The following CCNY variants were observed in gnomAD, a reference collection of about 807,000 sequenced individuals.
CCNY encodes the protein cyclin-Y.
A neutral mutation model predicts 42.8 loss-of-function variants in CCNY; 19 were observed. The observed-to-expected ratio is 0.44, with a 90% CI of 0.31 to 0.65. The LOEUF (loss-of-function observed/expected upper bound fraction) is 0.65, where lower values mean the gene tolerates loss of function less well. Ranked by LOEUF, CCNY falls within the 30% of genes least tolerant of loss-of-function variation. The pLI is 0.07. For synonymous variants in CCNY, 165 were observed against 162.7 expected (o/e 1.01, Z -0.11); for missense variants, 370 against 437.3 (o/e 0.85, Z 1.37).
At chr10:35,357,162 C>T (rs950464258) in intron 1 of CCNY, among the ~76,000 whole-genome samples, 4 of 152,050 alleles carry the variant, frequency 2.6e-5, no homozygotes, top group Non-Finnish European at 5.9e-5. Flanking sequence ...CCAGAGAGAG[C>T]AGCCCCTGCT....
chr10:35,421,679 A>G (rs940200583), intron 1 of CCNY, among the ~76,000 whole-genome samples: 3 of 151,932 alleles, frequency 2.0e-5, no homozygotes, highest in African/African-American at 7.3e-5. Context: ...ATGGACTCCC[A>G]TTTTCTTGAG....
rs550592918 is a variant in CCNY, at chr10:35,348,143, T to C, written c.154+10936T>C. On this transcript the variant is annotated intron_variant, in intron 1 of 9. Coordinates refer to ENST00000374704, the MANE Select transcript of CCNY (RefSeq NM_145012.6). ...TTGCTTGCAAAGTGATGATAAGCAG[T>C]TTATATAGCATTAGAGATTGTGTTC... Among the ~76,000 whole-genome samples the C allele has an allele frequency of 5.0e-4, 76 of 152,336 alleles. 1 individual carries two copies. In the South Asian group the frequency reaches 0.015, roughly 29 times the overall value.
intron 1 of CCNY, among the ~76,000 whole-genome samples, chr10:35,423,169 T>G (rs1236372355): frequency 1.3e-5 from 2 of 152,176 alleles, no homozygotes; most frequent in African/African-American, 4.8e-5. Context: ...TATAGAGTCT[T>G]TTTTCATTTA....
At chr10:35,553,234 A>G in intron 8 of CCNY, 49 bp downstream of exon 8, 3 of 1,586,778 alleles carry the variant, frequency 1.9e-6, no homozygotes, top group Non-Finnish European at 2.6e-6. Context: ...TGGCCAGACC[A>G]TTTGGAAAGA....
At position 35,525,914 on chromosome 10, in the gene CCNY, G is replaced by A. The variant is rs1403851025; in HGVS notation, c.366-50G>A. ...CAGACTGTGGCCAGGTAATGTGTAAGGTCTTGAATATGCTCATGGACACTG... is the reference window on the plus strand; with the variant it reads ...CAGACTGTGGCCAGGTAATGTGTAAAGTCTTGAATATGCTCATGGACACTG... On this transcript the variant is annotated intron_variant, in intron 4 of 9. Coordinates refer to ENST00000374704, the MANE Select transcript of CCNY (RefSeq NM_145012.6). 1.2e-5 allele frequency: 18 copies of A among 1,539,250 alleles called. No individual in the cohort carries two copies. In the East Asian group the frequency reaches 3.6e-4, roughly 31 times the overall value.
At chr10:35,490,213 A>T (rs1839869212) in intron 2 of CCNY, among the ~76,000 whole-genome samples, 1 of 152,194 alleles carries the variant, frequency 6.6e-6, no homozygotes, top group South Asian at 2.1e-4. Context: ...TTTTCCTCAG[A>T]ATGCTACAGG....
intron 1 of CCNY, chr10:35,347,280 A>G (rs1436862602): frequency 5.5e-6 from 1 of 180,342 alleles, no homozygotes; most frequent in East Asian, 1.9e-4. Context: ...TACTGAGAGA[A>G]ATACAGCTGG....
chr10:35,566,577 A>G (rs930026011), intron 9 of CCNY, among the ~76,000 whole-genome samples: 3 of 151,770 alleles, frequency 2.0e-5, no homozygotes, highest in Non-Finnish European at 4.4e-5. Flanking sequence ...TCCTGACCTC[A>G]GGTGATCTGC....
At chr10:35,395,663 A>G (rs1391752991) in intron 1 of CCNY, among the ~76,000 whole-genome samples, 2 of 152,204 alleles carry the variant, frequency 1.3e-5, no homozygotes, top group Admixed American at 6.5e-5. Context: ...AAAGAAAGAT[A>G]TGGAGGGCCA....
chr10:35,465,938 A>AGAGAGAGAGAGAGAGGGTGTGT, intron 1 of CCNY, among the ~76,000 whole-genome samples: 1 of 80,958 alleles, frequency 1.2e-5, no homozygotes. Context: ...AGAGAGAGAG[A>AGAGAGAGAGAGAGAGGGTGTGT]GTGTGTGTGT....
Position 35,270,880 on chromosome 10 carries a change from CACACCCGGCTAATTTTT to C in CCNY, c.-9+20255_-9+20271del, listed in dbSNP as rs1835156610. Among the ~76,000 whole-genome samples, 4 of 152,000 alleles carry C rather than the reference CACACCCGGCTAATTTTT, an allele frequency of 2.6e-5. No homozygotes were observed. In the South Asian group the frequency reaches 8.3e-4, roughly 32 times the overall value. ...AGCTGGGACTACAGGCGCCCGCCACCACACCCGGCTAATTTTTTGTATTTTTAGTAGAAACGGGGCTT... is the reference window on the plus strand; with the variant it reads ...AGCTGGGACTACAGGCGCCCGCCACCTGTATTTTTAGTAGAAACGGGGCTT... On this transcript the variant is annotated intron_variant, in intron 3 of 11. Transcript: ENST00000374706.
At chr10:35,444,966 G>A (rs572029501) in intron 1 of CCNY, among the ~76,000 whole-genome samples, 1 of 152,304 alleles carries the variant, frequency 6.6e-6, no homozygotes, top group Admixed American at 6.5e-5. Context: ...TGAGGGAACA[G>A]TAGAGATCAG....
chr10:35,325,437 C>T (rs1810529387), intron 3 of CCNY, among the ~76,000 whole-genome samples: 2 of 151,560 alleles, frequency 1.3e-5, no homozygotes, highest in Non-Finnish European at 2.9e-5. Context: ...CTTGGCCTCC[C>T]AAAGTGCTGG....
chr10:35,431,623 C>A (rs1037687948), intron 1 of CCNY, among the ~76,000 whole-genome samples: 3 of 151,708 alleles, frequency 2.0e-5, no homozygotes, highest in African/African-American at 7.3e-5. Context: ...TTTTTAACTT[C>A]GTTTTCATTG....
rs1400556351 is a variant in CCNY at position 35,504,118 on chromosome 10, A to G, written c.264+2583A>G. On this transcript the variant is annotated intron_variant, in intron 3 of 9. Coordinates refer to ENST00000374704, the MANE Select transcript of CCNY (RefSeq NM_145012.6). ...TTCTCTTTCAAGTTTTGAAGAACCC[A>G]CTTAGTACATGTTGCTAAGTTAACC... is the stretch of plus-strand genomic sequence containing the variant. 2.6e-5 allele frequency among the ~76,000 whole-genome samples: 4 copies of G among 152,216 alleles called. No individual in the cohort carries two copies. In the East Asian group the frequency reaches 7.7e-4, roughly 29 times the overall value.
intron 1 of CCNY, among the ~76,000 whole-genome samples, chr10:35,411,459 GAGCTAAAATCA>G (rs1186716380): frequency 1.4e-5 from 2 of 138,048 alleles, no homozygotes; most frequent in Non-Finnish European, 3.0e-5. Flanking sequence ...GGTTTGCAGT[GAGCTAAAATCA>G]AGCCACTGCA....
intron 1 of CCNY, among the ~76,000 whole-genome samples, chr10:35,449,521 A>C (rs1326947392): frequency 3.3e-5 from 5 of 152,028 alleles, no homozygotes; most frequent in Non-Finnish European, 1.5e-5. Context: ...GGAAGCAAAG[A>C]AATAGAGGGA....
At chr10:35,554,578 C>T (rs1244500397) in intron 8 of CCNY, among the ~76,000 whole-genome samples, 2 of 152,122 alleles carry the variant, frequency 1.3e-5, no homozygotes, top group Non-Finnish European at 2.9e-5. Context: ...CTTTGCTCAG[C>T]TGCTTGGTAT....
At chr10:35,551,657 A>C (rs1025106101) in intron 7 of CCNY, among the ~76,000 whole-genome samples, 1 of 152,244 alleles carries the variant, frequency 6.6e-6, no homozygotes, top group East Asian at 1.9e-4. Context: ...GGGAAACTAA[A>C]AAAGACATTC....
Sources: gnomAD v4.1 joint callset for allele counts (sites outside exome capture counted in the v4.1 genomes callset) on GRCh38, gnomAD v4.1.1 for gene constraint, MANE v1.5 for transcripts, NCBI Gene and HGNC (gene_info 2026-07-23, HGNC 2026-07-21) for gene names.